CNTNAP2: variants seen among roughly 807,000 people sequenced by gnomAD.
CNTNAP2 encodes the protein contactin associated protein 2, also known as contactin-associated protein-like 2.
CNTNAP2 carries 98 observed loss-of-function variants against 155.2 expected under a neutral mutation model. The observed-to-expected ratio is 0.63, with a 90% CI of 0.54 to 0.75. CNTNAP2 has a LOEUF of 0.75. Among genes scored for constraint, CNTNAP2 ranks in the 30% least tolerant of loss-of-function variants. CNTNAP2 has a pLI of 0.00. For synonymous variants in CNTNAP2, 651 were observed against 631.2 expected (o/e 1.03, Z -0.47); for missense variants, 1,727 against 1,688.1 (o/e 1.02, Z -0.40).
intron 20 of CNTNAP2, among the ~76,000 whole-genome samples, chr7:148,248,499 C>T (rs1271701717): frequency 6.6e-6 from 1 of 152,170 alleles, no homozygotes; most frequent in Non-Finnish European, 1.5e-5. Flanking sequence ...GCCCGGCCTA[C>T]TTGTTCTATA....
chr7:146,343,839 A>G (rs10269297), intron 1 of CNTNAP2, among the ~76,000 whole-genome samples: 10,131 of 152,140 alleles, frequency 0.067, 554 homozygotes, highest in African/African-American at 0.15. Context: ...TTATCTATAT[A>G]TAATTGGTAA....
chr7:148,251,141 G>T (rs749738504), intron 20 of CNTNAP2, among the ~76,000 whole-genome samples: 4 of 152,154 alleles, frequency 2.6e-5, no homozygotes, highest in African/African-American at 9.7e-5. Flanking sequence ...CTGGTCTCAC[G>T]TCAAACCCCA....
chr7:147,070,580 G>A (rs1179481486), intron 4 of CNTNAP2, among the ~76,000 whole-genome samples: 2 of 152,194 alleles, frequency 1.3e-5, no homozygotes, highest in East Asian at 3.9e-4. Context: ...TAGGATTTTA[G>A]TCTTTGATTT....
chr7:148,326,253 G>A (rs1297620507), intron 21 of CNTNAP2, among the ~76,000 whole-genome samples: 5 of 152,026 alleles, frequency 3.3e-5, no homozygotes, highest in Admixed American at 6.6e-5. Context: ...AGAGCTTGGC[G>A]CTCAGGACCA....
At chr7:146,376,807 G>A (rs1795310256) in intron 1 of CNTNAP2, among the ~76,000 whole-genome samples, 1 of 152,212 alleles carries the variant, frequency 6.6e-6, no homozygotes, top group East Asian at 1.9e-4. Flanking sequence ...CTCATGAATA[G>A]TATTAAAATC....
intron 1 of CNTNAP2, among the ~76,000 whole-genome samples, chr7:146,656,265 C>T (rs1799994439): frequency 1.3e-5 from 2 of 152,192 alleles, no homozygotes. Context: ...GTTCTGCATT[C>T]CAAACAATTT....
intron 1 of CNTNAP2, among the ~76,000 whole-genome samples, chr7:146,636,332 G>T (rs17170206): frequency 0.18 from 27,385 of 151,854 alleles, 2,945 homozygotes; most frequent in East Asian, 0.48. Flanking sequence ...TTTAACTTAC[G>T]AATTTTTAAA....
chr7:148,406,986 C>CT (rs11383436), intron 22 of CNTNAP2, among the ~76,000 whole-genome samples: 86,095 of 152,020 alleles, frequency 0.57, 25,013 homozygotes, highest in African/African-American at 0.64. Context: ...AGCTAAAGAA[C>CT]TTTATTCTTT....
chr7:146,377,796 G>A (rs976797095), intron 1 of CNTNAP2, among the ~76,000 whole-genome samples: 3 of 152,104 alleles, frequency 2.0e-5, no homozygotes, highest in Non-Finnish European at 4.4e-5. Context: ...AATAATTAGG[G>A]CAGGGGCTAT....
chr7:146,368,841 A>G (rs983230657), intron 1 of CNTNAP2, among the ~76,000 whole-genome samples: 1 of 121,894 alleles, frequency 8.2e-6, no homozygotes, highest in Non-Finnish European at 1.7e-5. Flanking sequence ...AGTGGAGAAA[A>G]TTATATACAT....
chr7:146,607,616 A>C (rs1799069337), intron 1 of CNTNAP2, among the ~76,000 whole-genome samples: 1 of 151,980 alleles, frequency 6.6e-6, no homozygotes, highest in African/African-American at 2.4e-5. Flanking sequence ...AGCTGGGATT[A>C]CAGGTGCATG....
chr7:147,665,233 T>C (rs1182894858), intron 13 of CNTNAP2, among the ~76,000 whole-genome samples: 1 of 152,244 alleles, frequency 6.6e-6, no homozygotes, highest in Admixed American at 6.5e-5. Context: ...GTATTAGATA[T>C]ACTGTTTTGT....
At chr7:146,220,550 T>G (rs1244770695) in intron 1 of CNTNAP2, among the ~76,000 whole-genome samples, 3 of 152,184 alleles carry the variant, frequency 2.0e-5, no homozygotes, top group Admixed American at 6.5e-5. Context: ...TATTATAGTT[T>G]GTCCTATAGA....
chr7:146,622,206 C>T (rs2372618), intron 1 of CNTNAP2, among the ~76,000 whole-genome samples: 116 of 143,290 alleles, frequency 8.1e-4, no homozygotes, highest in African/African-American at 3.0e-3. Flanking sequence ...TATATACACA[C>T]ATATACACGT....
chr7:148,091,847 G>C (rs1362313648), intron 15 of CNTNAP2, among the ~76,000 whole-genome samples: 2 of 152,152 alleles, frequency 1.3e-5, no homozygotes, highest in South Asian at 4.1e-4. Flanking sequence ...TTCCCTGACT[G>C]CTTGGAAATT....
At chr7:146,852,206 C>T (rs1163026299) in intron 3 of CNTNAP2, among the ~76,000 whole-genome samples, 1 of 152,002 alleles carries the variant, frequency 6.6e-6, no homozygotes, top group Non-Finnish European at 1.5e-5. Flanking sequence ...AAAGTTATGA[C>T]ATTAAAAGTT....
chr7:147,694,281 A>G (rs1378274363), intron 13 of CNTNAP2, among the ~76,000 whole-genome samples: 2 of 152,056 alleles, frequency 1.3e-5, no homozygotes, highest in Non-Finnish European at 2.9e-5. Context: ...GGATTTTTAC[A>G]TCTATATTCA....
At position 148,229,678 on chromosome 7, in the gene CNTNAP2, AC is replaced by A; in HGVS notation, c.3283del (p.Arg1095GlufsTer8). The stretch of plus-strand genomic sequence containing the variant: ...ACAGATTCGATACAACCTGGGTGGC[AC>A]CCGAGAGCCATACAATATTGACGTA... ...SLQIRYNLGG[T>X]REPYNIDVDH... On this transcript the variant is annotated frameshift_variant, in exon 20 of 24. Coordinates refer to ENST00000361727, the MANE Select transcript of CNTNAP2 (RefSeq NM_014141.6). LOFTEE classifies it high-confidence loss of function. The A allele has an allele frequency of 6.2e-7, 1 of 1,614,168 alleles. No homozygotes were observed. Among genetic ancestry groups the A allele is most frequent in the Non-Finnish European group, 8.5e-7 (1 of 1,180,024 alleles).
intron 11 of CNTNAP2, among the ~76,000 whole-genome samples, chr7:147,561,472 TCATGAG>T (rs1254759920): frequency 2.3e-4 from 35 of 152,270 alleles, no homozygotes; most frequent in African/African-American, 8.2e-4. Flanking sequence ...AGAAAATTTG[TCATGAG>T]CACTGGAATA....
Sources: gnomAD v4.1 joint callset for allele counts (sites outside exome capture counted in the v4.1 genomes callset) on GRCh38, gnomAD v4.1.1 for gene constraint, MANE v1.5 for transcripts, NCBI Gene and HGNC (gene_info 2026-07-23, HGNC 2026-07-21) for gene names.